WSB2: variants seen among roughly 807,000 people sequenced by gnomAD.
The protein encoded by WSB2 is WD repeat and SOCS box containing 2.
WSB2 carries 12 observed loss-of-function variants against 48.8 expected under a neutral mutation model. That is an observed-to-expected ratio of 0.25 (90% CI 0.16 to 0.40). The LOEUF is 0.40. WSB2 is among the 10% of genes least tolerant of loss of function. The pLI, the probability that WSB2 is intolerant of heterozygous loss-of-function variation, is 1.00. For missense variants in WSB2, 317 were observed against 506.2 expected (o/e 0.63, Z 3.59); for synonymous variants, 191 against 203.1 (o/e 0.94, Z 0.51).
chr12:118,041,126 A>C (rs1175269756), intron 4 of WSB2, among the ~76,000 whole-genome samples: 1 of 152,244 alleles, frequency 6.6e-6, no homozygotes, highest in East Asian at 1.9e-4. Context: ...ATGCATGTGC[A>C]CTGCCTTAGT....
intron 4 of WSB2, among the ~76,000 whole-genome samples, chr12:118,041,615 A>G (rs1276661977): frequency 1.3e-5 from 2 of 151,826 alleles, no homozygotes; most frequent in Admixed American, 6.6e-5. Flanking sequence ...CCCTCCTTCC[A>G]ATCCCTCCAG....
Position 118,033,942 on chromosome 12 carries a change from TAACTG to T in WSB2, c.*249_*253del, listed in dbSNP as rs1225467464. On this transcript the variant is annotated 3_prime_UTR_variant, in exon 9 of 9. Coordinates refer to ENST00000315436, the MANE Select transcript of WSB2 (RefSeq NM_018639.5). ...GAAAGAGTTCAACACTTGCTGTTCATAACTGGACTGAAAATTTAACGTAAGGCTCT... is the reference window on the plus strand; with the variant it reads ...GAAAGAGTTCAACACTTGCTGTTCATGACTGAAAATTTAACGTAAGGCTCT... 6.1e-6 allele frequency: 3 copies of T among 489,598 alleles called. No homozygotes were observed. The highest frequency in any genetic ancestry group is 5.8e-5 in the African/African-American group (3 of 51,666). The allele number at this position is 489,598 out of a possible 1,614,324, so 30.3% of individuals were successfully genotyped here. A position where few individuals can be genotyped will look rare whatever the true frequency, so the allele number is the denominator to read the frequency against.
chr12:118,035,130 C>T (rs1470254014), intron 7 of WSB2, 37 bp from the exon 8 acceptor site: 1 of 1,613,078 alleles, frequency 6.2e-7, no homozygotes, highest in African/African-American at 1.3e-5. Flanking sequence ...TATTAGCTGA[C>T]CCAGGGCCAG....
chr12:118,059,624 C>A (rs911726747), intron 1 of WSB2, among the ~76,000 whole-genome samples: 1 of 152,100 alleles, frequency 6.6e-6, no homozygotes, highest in Non-Finnish European at 1.5e-5. Context: ...TTAGGAAAAC[C>A]CCAGAACTGG....
chr12:118,047,959 T>C (rs58116528), intron 2 of WSB2, among the ~76,000 whole-genome samples: 34,901 of 151,990 alleles, frequency 0.23, 4,637 homozygotes, highest in African/African-American at 0.37. Flanking sequence ...GACAGTGTCT[T>C]ACTGTTGCCC....
intron 2 of WSB2, among the ~76,000 whole-genome samples, chr12:118,050,408 G>C (rs1016374203): frequency 6.6e-6 from 1 of 152,098 alleles, no homozygotes; most frequent in African/African-American, 2.4e-5. Flanking sequence ...CAGCTACTTG[G>C]GAGGCTGAGG....
intron 4 of WSB2, among the ~76,000 whole-genome samples, chr12:118,041,122 G>A (rs1357159911): frequency 6.6e-6 from 1 of 152,188 alleles, no homozygotes; most frequent in East Asian, 1.9e-4. Context: ...GAGGATGCAT[G>A]TGCACTGCCT....
chr12:118,039,980 G>T (rs12830847), intron 4 of WSB2, among the ~76,000 whole-genome samples: 33,500 of 151,756 alleles, frequency 0.22, 4,379 homozygotes, highest in East Asian at 0.33. Context: ...TCCTGACCTC[G>T]AGTGATCCGC....
chr12:118,038,255 C>A, intron 5 of WSB2, 33 bp downstream of exon 5: 1 of 1,593,756 alleles, frequency 6.3e-7, no homozygotes, highest in Non-Finnish European at 8.6e-7. Context: ...CTCCATGTCT[C>A]AGTGAATTAA....
intron 2 of WSB2, among the ~76,000 whole-genome samples, chr12:118,044,766 C>G (rs1195087409): frequency 6.6e-6 from 1 of 152,060 alleles, no homozygotes; most frequent in South Asian, 2.1e-4. Context: ...TGGGGTTGAG[C>G]CTGAAAACAT....
At chr12:118,051,497 G>T (rs2031852092) in intron 2 of WSB2, among the ~76,000 whole-genome samples, 1 of 152,148 alleles carries the variant, frequency 6.6e-6, no homozygotes, top group Non-Finnish European at 1.5e-5. Context: ...TATGTAAAAT[G>T]AAAGGAGCTA....
In WSB2 at chr12:118,052,386, G is replaced by A; in HGVS notation, c.106C>T (p.Pro36Ser). ...SCETWSVAFS[P>S]DGSWFAWSQG... ...GACCAAGCAAACCAGGAGCCATCTG[G>A]GGAGAAGGCGACGCTCCAGGTTTCA... The change falls in exon 2 of 9, where the codon CCA (proline) becomes TCA (serine). Residue 36 changes from proline (P) to serine (S), a missense_variant. Coordinates refer to ENST00000315436, the MANE Select transcript of WSB2 (RefSeq NM_018639.5). The A allele has an allele frequency of 6.2e-7, 1 of 1,614,202 alleles. No homozygotes were observed. Among genetic ancestry groups the A allele is most frequent in the Non-Finnish European group, 8.5e-7 (1 of 1,180,040 alleles).
chr12:118,056,148 T>G (rs1010599628), intron 1 of WSB2, among the ~76,000 whole-genome samples: 2 of 152,012 alleles, frequency 1.3e-5, no homozygotes, highest in South Asian at 4.1e-4. Flanking sequence ...AGAATAAAAC[T>G]CTAGCTCCTC....
chr12:118,046,571 A>G (rs2031751229), intron 2 of WSB2, among the ~76,000 whole-genome samples: 1 of 152,050 alleles, frequency 6.6e-6, no homozygotes, highest in Non-Finnish European at 1.5e-5. Context: ...GAATGTGACC[A>G]TGAATGTCAC....
At chr12:118,049,255 T>C (rs1231378756) in intron 2 of WSB2, among the ~76,000 whole-genome samples, 1 of 152,162 alleles carries the variant, frequency 6.6e-6, no homozygotes, top group Non-Finnish European at 1.5e-5. Context: ...CATAACAAAA[T>C]TTGATGGCTG....
At chr12:118,050,939 C>G (rs1462029445) in intron 2 of WSB2, among the ~76,000 whole-genome samples, 2 of 151,668 alleles carry the variant, frequency 1.3e-5, no homozygotes, top group South Asian at 2.1e-4. Context: ...GTAGTCCCAG[C>G]TACTTGGGAG....
rs1395775825 is a variant in WSB2 at position 118,036,440 on chromosome 12, G to C, written c.731C>G (p.Ser244Cys). The C allele has an allele frequency of 3.1e-6, 5 of 1,614,100 alleles. No homozygotes were observed. The Admixed American group carries it at 5.0e-5, about 16-fold the overall frequency. Residue 244 changes from serine to cysteine, a missense_variant, in exon 6 of 9, where the codon TCT becomes TGT. Around this residue, in one of 2 missense-constraint regions of WSB2, gnomAD observed 189 missense variants for 349.6 expected, o/e 0.54. Coordinates refer to ENST00000315436, the MANE Select transcript of WSB2 (RefSeq NM_018639.5). ...GGCAGAGTCGGGGGAGAAGTCACAA[G>C]AGACAACACTGCTTTGATGGCCCTC... Reference protein sequence around the residue: ...KLEGHQSSVVSCDFSPDSALL... With the variant: ...KLEGHQSSVVCCDFSPDSALL...
chr12:118,044,490 C>T (rs927667155), intron 2 of WSB2, among the ~76,000 whole-genome samples: 2 of 152,154 alleles, frequency 1.3e-5, no homozygotes, highest in African/African-American at 4.8e-5. Context: ...CCTTCACTCA[C>T]GATGTTGCAA....
At chr12:118,052,751 T>C in intron 1 of WSB2, 1 of 514,514 alleles carries the variant, frequency 1.9e-6, no homozygotes, top group South Asian at 2.7e-5. Flanking sequence ...TTCCTATGAA[T>C]ACTTGAAGGG....
Sources: allele counts gnomAD v4.1 joint callset (sites outside exome capture counted in the v4.1 genomes callset), GRCh38; gene constraint gnomAD v4.1.1; regional missense constraint gnomAD v4.1.1; transcripts MANE v1.5; gene names NCBI Gene and HGNC (gene_info 2026-07-23, HGNC 2026-07-21).